Variants in SCN8A observed in about 807,000 individuals in gnomAD.
The protein encoded by SCN8A is sodium voltage-gated channel alpha subunit 8.
Under a neutral mutation model 184.1 loss-of-function variants are expected in SCN8A, and 30 were observed. That is an observed-to-expected ratio of 0.16 (90% CI 0.12 to 0.22). The LOEUF is 0.22. Among genes scored for constraint, SCN8A ranks in the 10% least tolerant of loss-of-function variants. SCN8A has a pLI of 1.00. For missense variants in SCN8A, 1,057 were observed against 2,498.9 expected, an observed-to-expected ratio of 0.42 and a Z score of 12.30; for synonymous variants, 852 against 907.0, an observed-to-expected ratio of 0.94 and a Z score of 1.09.
chr12:51,706,891 A>G (rs924129157), intron 11 of SCN8A, among the ~76,000 whole-genome samples, 176 bp downstream of exon 11: 3 of 152,046 alleles, frequency 2.0e-5, no homozygotes, highest in Admixed American at 6.6e-5. Context: ...CCTGGCCTCT[A>G]GTAACCACCA....
intron 14 of SCN8A, among the ~76,000 whole-genome samples, chr12:51,760,829 G>A (rs1055090393): frequency 1.3e-5 from 2 of 152,004 alleles, no homozygotes; most frequent in Non-Finnish European, 2.9e-5. Flanking sequence ...CTACAGAAAA[G>A]CATATGAACA....
chr12:51,801,210 T>G (rs1403279666), intron 26 of SCN8A, among the ~76,000 whole-genome samples: 1 of 152,222 alleles, frequency 6.6e-6, no homozygotes, highest in Non-Finnish European at 1.5e-5. Context: ...ACGCCCACCT[T>G]GCCTTTGACA....
At chr12:51,593,220 C>T (rs941379105) in intron 1 of SCN8A, among the ~76,000 whole-genome samples, 1 of 152,132 alleles carries the variant, frequency 6.6e-6, no homozygotes, top group Non-Finnish European at 1.5e-5. Flanking sequence ...GTTCAGCACG[C>T]ATTCCCTGTC....
At position 51,743,778 on chromosome 12, in the gene SCN8A, G is replaced by A. The variant is rs151244625; in HGVS notation, c.1999-2125G>A. On this transcript the variant is annotated intron_variant, in intron 12 of 26. Coordinates refer to ENST00000627620, the MANE Select transcript of SCN8A (RefSeq NM_001330260.2). ...CCTTCAGGGCAGCAAGTTCCCCCAGGTCCCAGGTGGGTACAGACATGTTGT... is the reference window on the plus strand; with the variant it reads ...CCTTCAGGGCAGCAAGTTCCCCCAGATCCCAGGTGGGTACAGACATGTTGT... Among the ~76,000 whole-genome samples the A allele has an allele frequency of 5.1e-4, 77 of 152,294 alleles. 1 individual carries two copies. Among genetic ancestry groups the A allele is most frequent in the African/African-American group, 1.8e-3 (73 of 41,584 alleles).
Position 51,786,769 on chromosome 12 carries a change from G to C in SCN8A, c.4170G>C (p.Lys1390Asn). ...MEGNNTEIRW[K>N]NVKINFDNVG... is the part of the protein sequence containing the mutation. ...GGAACAATACAGAGATCAGATGGAAGAACGTGAAGATCAACTTTGACAATG... is the reference window on the plus strand; with the variant it reads ...GGAACAATACAGAGATCAGATGGAACAACGTGAAGATCAACTTTGACAATG... Residue 1390 changes from lysine to asparagine, a missense_variant, in exon 22 of 27, where the codon AAG becomes AAC. Transcript: ENST00000627620. 1 of 1,614,008 alleles carries C rather than the reference G, an allele frequency of 6.2e-7. No individual in the cohort carries two copies. Among genetic ancestry groups the C allele is most frequent in the Non-Finnish European group, 8.5e-7 (1 of 1,179,876 alleles).
intron 2 of SCN8A, among the ~76,000 whole-genome samples, chr12:51,671,583 A>C (rs900785500): frequency 1.3e-5 from 2 of 152,232 alleles, no homozygotes; most frequent in Non-Finnish European, 2.9e-5. Context: ...GGACTATTTA[A>C]TAATGGCCAT....
At chr12:51,683,278 A>G (rs564005753) in intron 2 of SCN8A, among the ~76,000 whole-genome samples, 2 of 152,340 alleles carry the variant, frequency 1.3e-5, no homozygotes, top group South Asian at 2.1e-4. Flanking sequence ...TTTTAATTCA[A>G]TTGAATTCAG....
rs1018021654 is a variant in SCN8A at position 51,810,456 on chromosome 12, T to G, written c.*3027T>G. ...TGTGCATCTTCGCTGAGTGGGTAAG[T>G]GGCAATGCTTTGCCAAATATTAACG... On this transcript the variant is annotated 3_prime_UTR_variant, in exon 27 of 27. Transcript: ENST00000627620. 6.6e-6 allele frequency: 3 copies of G among 451,760 alleles called. No homozygotes were observed. Among genetic ancestry groups the G allele is most frequent in the African/African-American group, 6.0e-5 (3 of 49,726 alleles). 28.0% of individuals were successfully genotyped at this position (451,760 alleles called of 1,614,324 possible).
At chr12:51,739,965 A>G (rs1942393147) in intron 12 of SCN8A, among the ~76,000 whole-genome samples, 1 of 152,272 alleles carries the variant, frequency 6.6e-6, no homozygotes, top group East Asian at 1.9e-4. Flanking sequence ...AAATTAACTA[A>G]AAGTATCCCT....
intron 2 of SCN8A, among the ~76,000 whole-genome samples, chr12:51,676,541 A>G (rs1284765649): frequency 6.6e-6 from 1 of 152,200 alleles, no homozygotes; most frequent in African/African-American, 2.4e-5. Flanking sequence ...ATTGCTGTTG[A>G]TTAATGAACA....
chr12:51,721,375 G>C (rs1942057639), intron 11 of SCN8A, among the ~76,000 whole-genome samples, 171 bp from the exon 12 acceptor site: 1 of 152,014 alleles, frequency 6.6e-6, no homozygotes, highest in African/African-American at 2.4e-5. Flanking sequence ...AACAATGGGT[G>C]ATGAACTGTA....
At chr12:51,613,978 C>T (rs1396145699) in intron 1 of SCN8A, among the ~76,000 whole-genome samples, 1 of 152,052 alleles carries the variant, frequency 6.6e-6, no homozygotes, top group African/African-American at 2.4e-5. Context: ...TATGATCTAG[C>T]TTGGCGACTG....
intron 14 of SCN8A, among the ~76,000 whole-genome samples, chr12:51,752,463 T>C (rs953335833): frequency 1.3e-5 from 2 of 152,036 alleles, no homozygotes; most frequent in Non-Finnish European, 2.9e-5. Flanking sequence ...TGACCTTAAG[T>C]CCTATTACTA....
intron 1 of SCN8A, among the ~76,000 whole-genome samples, chr12:51,631,750 T>G (rs562597848): frequency 3.5e-4 from 53 of 152,358 alleles, no homozygotes; most frequent in Admixed American, 3.0e-3. Flanking sequence ...CTTAGGATTC[T>G]GGGCCTGACT....
intron 26 of SCN8A, among the ~76,000 whole-genome samples, chr12:51,798,667 G>T (rs1029521924): frequency 6.6e-6 from 1 of 152,174 alleles, no homozygotes; most frequent in Non-Finnish European, 1.5e-5. Flanking sequence ...CAATGACAGG[G>T]GTGCCTGGGG....
intron 1 of SCN8A, among the ~76,000 whole-genome samples, chr12:51,609,129 A>G (rs962172719): frequency 6.6e-6 from 1 of 152,190 alleles, no homozygotes; most frequent in African/African-American, 2.4e-5. Context: ...TCTTAAATTT[A>G]TTGAGACTTG....
rs58334915 is a variant in SCN8A, at chr12:51,716,071, C to T, written c.1636-5475C>T. 2.8e-3 allele frequency among the ~76,000 whole-genome samples: 425 copies of T among 152,298 alleles called. 1 individual carries two copies. Among genetic ancestry groups the T allele is most frequent in the African/African-American group, 9.7e-3 (402 of 41,558 alleles). On this transcript the variant is annotated intron_variant, in intron 11 of 26. Coordinates refer to ENST00000627620, the MANE Select transcript of SCN8A (RefSeq NM_001330260.2). ...AGCGTAGGCTGGATACAGTGACTCA[C>T]GCCTATAATCTCAGCACTTTGGGAG... is the stretch of plus-strand genomic sequence containing the variant.
chr12:51,756,100 A>T (rs1318672101), intron 14 of SCN8A, among the ~76,000 whole-genome samples: 1 of 151,770 alleles, frequency 6.6e-6, no homozygotes, highest in African/African-American at 2.4e-5. Flanking sequence ...CTGCATGGAC[A>T]TCCTTCTCAC....
intron 14 of SCN8A, among the ~76,000 whole-genome samples, chr12:51,761,012 A>G (rs1262138944): frequency 6.6e-6 from 1 of 152,100 alleles, no homozygotes; most frequent in Non-Finnish European, 1.5e-5. Flanking sequence ...AAACTGTTTC[A>G]TGTGGAAACT....
Sources: gnomAD v4.1 joint callset for allele counts (sites outside exome capture counted in the v4.1 genomes callset) on GRCh38, gnomAD v4.1.1 for gene constraint, MANE v1.5 for transcripts, NCBI Gene and HGNC (gene_info 2026-07-23, HGNC 2026-07-21) for gene names.